PTPRT: variants seen among roughly 807,000 people sequenced by gnomAD.
The protein encoded by PTPRT is protein tyrosine phosphatase receptor type T.
In PTPRT, 56 loss-of-function variants were observed where a neutral mutation model predicts 176.8. The observed-to-expected ratio is 0.32, with a 90% confidence interval of 0.26 to 0.40. The LOEUF is 0.40. PTPRT is among the 10% of genes least tolerant of loss of function. PTPRT has a pLI of 1.00. For synonymous variants in PTPRT, 783 were observed against 739.0 expected (o/e 1.06, Z -0.96); for missense variants, 1,540 against 1,908.2 (o/e 0.81, Z 3.60).
At chr20:42,835,534 C>T (rs2078166453) in intron 2 of PTPRT, among the ~76,000 whole-genome samples, 1 of 152,090 alleles carries the variant, frequency 6.6e-6, no homozygotes, top group African/African-American at 2.4e-5. Flanking sequence ...GGAGCTGAGT[C>T]TGGTTGCCTC....
intron 7 of PTPRT, among the ~76,000 whole-genome samples, chr20:42,650,951 C>T (rs1318142222): frequency 6.6e-6 from 1 of 151,970 alleles, no homozygotes. Context: ...GCATAGACCT[C>T]CATTTCTCTG....
chr20:42,212,318 C>A (rs200847888), intron 15 of PTPRT, among the ~76,000 whole-genome samples: 455 of 106,612 alleles, frequency 4.3e-3, no homozygotes, highest in Middle Eastern at 0.021. Context: ...AAAAAAAAGA[C>A]AAAAAAAAAA....
At chr20:42,761,600 T>A (rs1037007056) in intron 5 of PTPRT, among the ~76,000 whole-genome samples, 2 of 152,236 alleles carry the variant, frequency 1.3e-5, no homozygotes, top group African/African-American at 4.8e-5. Flanking sequence ...TAAGTCCTAC[T>A]AGTAATTCCT....
chr20:42,620,616 G>T (rs556240469), intron 7 of PTPRT, among the ~76,000 whole-genome samples: 1 of 152,176 alleles, frequency 6.6e-6, no homozygotes, highest in Admixed American at 6.5e-5. Flanking sequence ...AGGACCCTCC[G>T]AGCCAGGTGT....
intron 9 of PTPRT, among the ~76,000 whole-genome samples, chr20:42,418,076 T>C (rs2059083119): frequency 6.6e-6 from 1 of 152,160 alleles, no homozygotes; most frequent in Non-Finnish European, 1.5e-5. Context: ...GAAACTGAAA[T>C]TTGTCAAGTG....
intron 9 of PTPRT, among the ~76,000 whole-genome samples, chr20:42,443,082 T>C (rs2059332250): frequency 6.6e-6 from 1 of 152,214 alleles, no homozygotes; most frequent in African/African-American, 2.4e-5. Flanking sequence ...GATGTAAATA[T>C]TGTTTAGACG....
At chr20:42,870,838 A>C (rs1463905956) in intron 2 of PTPRT, among the ~76,000 whole-genome samples, 1 of 151,276 alleles carries the variant, frequency 6.6e-6, no homozygotes, top group Non-Finnish European at 1.5e-5. Context: ...CTTGACGTTT[A>C]TTTCTTTTTG....
At chr20:43,181,182 G>A (rs546003479) in intron 1 of PTPRT, among the ~76,000 whole-genome samples, 60 of 152,318 alleles carry the variant, frequency 3.9e-4, no homozygotes, top group African/African-American at 1.4e-3. Context: ...AGCCACGGAA[G>A]TGAACCTGGA....
chr20:42,525,522 TC>T (rs1209858941), intron 7 of PTPRT, among the ~76,000 whole-genome samples: 1 of 152,182 alleles, frequency 6.6e-6, no homozygotes, highest in Non-Finnish European at 1.5e-5. Flanking sequence ...CCTGGATATT[TC>T]CCTTAATTTC....
intron 1 of PTPRT, among the ~76,000 whole-genome samples, chr20:43,184,637 A>ATCAG (rs1273967563): frequency 6.6e-6 from 1 of 151,904 alleles, no homozygotes; most frequent in African/African-American, 2.4e-5. Flanking sequence ...CAGTGAGCTG[A>ATCAG]GATCACGCCA....
chr20:42,221,086 C>T (rs562611529), intron 15 of PTPRT, among the ~76,000 whole-genome samples: 2 of 152,162 alleles, frequency 1.3e-5, no homozygotes, highest in African/African-American at 2.4e-5. Flanking sequence ...CTGCAACCTC[C>T]GCTTCCCGGG....
chr20:42,941,128 C>T (rs1355641077), intron 1 of PTPRT, among the ~76,000 whole-genome samples: 2 of 151,836 alleles, frequency 1.3e-5, no homozygotes, highest in African/African-American at 2.4e-5. Context: ...TTCTGTTATG[C>T]GGTTCTACCT....
At chr20:42,533,853 G>A (rs964156589) in intron 7 of PTPRT, among the ~76,000 whole-genome samples, 1 of 152,214 alleles carries the variant, frequency 6.6e-6, no homozygotes, top group African/African-American at 2.4e-5. Flanking sequence ...GTCAATGGTT[G>A]TTGTGCAAGG....
chr20:42,633,962 A>AAT (rs1481106366), intron 7 of PTPRT, among the ~76,000 whole-genome samples: 1 of 17,524 alleles, frequency 5.7e-5, no homozygotes, highest in African/African-American at 4.0e-4. Flanking sequence ...AATTATATAT[A>AAT]ATATATTATA....
chr20:42,038,002 G>C, the PTPRT span, among the ~76,000 whole-genome samples: 1 of 152,160 alleles, frequency 6.6e-6, no homozygotes, highest in East Asian at 1.9e-4. Flanking sequence ...GCATTAGCTA[G>C]CTGTATCATC....
At chr20:42,698,761 T>A (rs1209774033) in intron 6 of PTPRT, among the ~76,000 whole-genome samples, 2 of 152,156 alleles carry the variant, frequency 1.3e-5, no homozygotes, top group East Asian at 3.9e-4. Context: ...GGCCTCTAGG[T>A]GATTCCCCAA....
At chr20:42,738,404 C>A (rs991740515) in intron 6 of PTPRT, among the ~76,000 whole-genome samples, 3 of 151,724 alleles carry the variant, frequency 2.0e-5, no homozygotes, top group Admixed American at 1.3e-4. Flanking sequence ...CCCAGCTACT[C>A]GGGAGGCTGA....
chr20:43,116,516 G>T (rs1054802910), intron 1 of PTPRT, among the ~76,000 whole-genome samples: 6 of 152,080 alleles, frequency 3.9e-5, no homozygotes, highest in African/African-American at 1.4e-4. Flanking sequence ...TAGCAAAATA[G>T]CAATGTCCTT....
intron 2 of PTPRT, among the ~76,000 whole-genome samples, chr20:42,810,397 C>T (rs967641371): frequency 2.0e-5 from 3 of 152,130 alleles, no homozygotes; most frequent in Admixed American, 6.5e-5. Flanking sequence ...GTCAAAGCCC[C>T]GGCCCACTTA....
Sources: allele counts gnomAD v4.1 joint callset (sites outside exome capture counted in the v4.1 genomes callset), GRCh38; gene constraint gnomAD v4.1.1; transcripts MANE v1.5; gene names NCBI Gene and HGNC (gene_info 2026-07-23, HGNC 2026-07-21).